The following GRK5 variants were observed in gnomAD, a reference collection of about 807,000 sequenced individuals.
GRK5 encodes g protein-coupled receptor kinase GRK5.
Under a neutral mutation model 78.4 loss-of-function variants are expected in GRK5, and 40 were observed. The ratio of observed to expected loss-of-function variants is 0.51; its 90% confidence interval spans 0.40 to 0.66. The LOEUF is 0.66. Among genes scored for constraint, GRK5 ranks in the 30% least tolerant of loss-of-function variants. GRK5 has a pLI of 0.00. For missense variants in GRK5, 598 were observed against 759.9 expected (o/e 0.79, Z 2.50); for synonymous variants, 289 against 296.8 (o/e 0.97, Z 0.27).
rs59742803 is a variant in GRK5, at chr10:119,218,074, T to TTGTGTGTG, written c.52+10127_52+10134dup. 1.8e-3 allele frequency among the ~76,000 whole-genome samples: 263 copies of TTGTGTGTG among 146,574 alleles called. 2 individuals carry two copies. The highest frequency in any genetic ancestry group is 5.8e-3 in the African/African-American group (232 of 40,082). On this transcript the variant is annotated intron_variant, in intron 1 of 15. Transcript: ENST00000392870. ...GCATTTAGAAACCATGTCAACCCGT[T>TTGTGTGTG]TGTGTGTGTGTGTGTGTGTGTGTGT...
At chr10:119,353,932 CTT>C (rs761463283) in intron 2 of GRK5, among the ~76,000 whole-genome samples, 76 of 108,740 alleles carry the variant, frequency 7.0e-4, no homozygotes, top group African/African-American at 2.4e-3. Flanking sequence ...TTTTTTCTTT[CTT>C]TTTTTTTTTT....
intron 1 of GRK5, among the ~76,000 whole-genome samples, chr10:119,227,180 C>T (rs987255910): frequency 6.6e-6 from 1 of 152,134 alleles, no homozygotes; most frequent in Non-Finnish European, 1.5e-5. Flanking sequence ...TTTATCATCA[C>T]ATAGGAATAA....
intron 1 of GRK5, among the ~76,000 whole-genome samples, chr10:119,220,216 C>G (rs553409093): frequency 6.6e-6 from 1 of 152,260 alleles, no homozygotes; most frequent in African/African-American, 2.4e-5. Flanking sequence ...TTAGTAACCA[C>G]TGGTTATTTT....
At chr10:119,421,621 GGCT>G (rs2133882646) in intron 4 of GRK5, among the ~76,000 whole-genome samples, 1 of 152,364 alleles carries the variant, frequency 6.6e-6, no homozygotes, top group African/African-American at 2.4e-5. Flanking sequence ...CCACTACCCA[GGCT>G]GCTGTTGGTA....
chr10:119,410,348 C>G (rs1240080622), intron 4 of GRK5, among the ~76,000 whole-genome samples: 1 of 152,184 alleles, frequency 6.6e-6, no homozygotes, highest in Non-Finnish European at 1.5e-5. Flanking sequence ...AAGCGCACTT[C>G]TTCCTTATTT....
intron 1 of GRK5, among the ~76,000 whole-genome samples, chr10:119,242,391 C>T (rs1849040859): frequency 6.6e-6 from 1 of 151,576 alleles, no homozygotes; most frequent in Admixed American, 6.6e-5. Flanking sequence ...AGCTGTGCTG[C>T]ATTGACGTCA....
At chr10:119,418,777 T>G (rs1283691887) in intron 4 of GRK5, among the ~76,000 whole-genome samples, 1 of 152,176 alleles carries the variant, frequency 6.6e-6, no homozygotes, top group Non-Finnish European at 1.5e-5. Context: ...TAGAGCTGTT[T>G]AAGGAGACCA....
chr10:119,230,692 G>C (rs1158824566), intron 1 of GRK5, among the ~76,000 whole-genome samples: 1 of 151,930 alleles, frequency 6.6e-6, no homozygotes, highest in African/African-American at 2.4e-5. Context: ...AAAAAAATTA[G>C]CCAGGTGTGG....
Position 119,378,718 on chromosome 10 carries a change from G to A in GRK5, c.149-2097G>A, listed in dbSNP as rs1851666042. Among the ~76,000 whole-genome samples the A allele has an allele frequency of 6.6e-6, 1 of 152,248 alleles. No homozygotes were observed. The highest frequency in any genetic ancestry group is 1.5e-5 in the Non-Finnish European group (1 of 68,038). ...GCGTGGGGGGAAGGCGGTCTCAGCAGCCCTCGGCTGACCAGTCATCCCCAA... is the reference window on the plus strand; with the variant it reads ...GCGTGGGGGGAAGGCGGTCTCAGCAACCCTCGGCTGACCAGTCATCCCCAA... On this transcript the variant is annotated intron_variant, in intron 2 of 15. Coordinates refer to ENST00000392870, the MANE Select transcript of GRK5 (RefSeq NM_005308.3). This position sits in a 1 kb window ranked among gnomAD's most constrained non-coding sequence, Gnocchi z 4.5.
intron 1 of GRK5, among the ~76,000 whole-genome samples, chr10:119,282,523 C>T (rs11198857): frequency 0.13 from 20,260 of 152,254 alleles, 1,429 homozygotes; most frequent in Middle Eastern, 0.17. Context: ...AGCTCCTAGA[C>T]CAGGGTCGGG....
chr10:119,386,392 C>G (rs1301056347), intron 3 of GRK5, among the ~76,000 whole-genome samples: 2 of 152,082 alleles, frequency 1.3e-5, no homozygotes, highest in Admixed American at 1.3e-4. Context: ...GAGGCTAAGC[C>G]TAGGAGTCGG....
intron 1 of GRK5, among the ~76,000 whole-genome samples, chr10:119,322,415 TC>T (rs1370251205): frequency 1.6e-4 from 24 of 152,212 alleles, no homozygotes; most frequent in African/African-American, 5.8e-4. Context: ...TGCCAAATGT[TC>T]CCTGGGAGGC....
At chr10:119,261,567 T>C (rs936377727) in intron 1 of GRK5, among the ~76,000 whole-genome samples, 7 of 152,226 alleles carry the variant, frequency 4.6e-5, no homozygotes, top group African/African-American at 1.7e-4. Flanking sequence ...GTGGAGGTTG[T>C]AGCGAGCCGA....
At chr10:119,427,148 G>A (rs1012298981) in intron 6 of GRK5, among the ~76,000 whole-genome samples, 3 of 142,654 alleles carry the variant, frequency 2.1e-5, no homozygotes, top group African/African-American at 7.9e-5. Context: ...CATCACTGCT[G>A]TTATCAATAT....
chr10:119,364,121 C>G (rs291970), intron 2 of GRK5, among the ~76,000 whole-genome samples: 2 of 152,080 alleles, frequency 1.3e-5, no homozygotes, highest in African/African-American at 2.4e-5. Context: ...CAGTGTAGGG[C>G]GCAAAGCAGG....
intron 1 of GRK5, among the ~76,000 whole-genome samples, chr10:119,254,952 G>A (rs1014010520): frequency 4.0e-5 from 6 of 151,312 alleles, no homozygotes; most frequent in Non-Finnish European, 8.8e-5. Flanking sequence ...CTACTCAGGA[G>A]GCTTAAGCAG....
chr10:119,321,139 CCTT>C (rs1160498254), intron 1 of GRK5, among the ~76,000 whole-genome samples: 2 of 152,172 alleles, frequency 1.3e-5, no homozygotes, highest in East Asian at 1.9e-4. Flanking sequence ...AGAAGTGAAA[CCTT>C]CTCCCAGCCC....
intron 1 of GRK5, among the ~76,000 whole-genome samples, chr10:119,274,573 G>T (rs1849637107): frequency 1.3e-5 from 2 of 152,198 alleles, no homozygotes; most frequent in African/African-American, 4.8e-5. Context: ...TTACTTGGCT[G>T]TTCTTTGGTG....
At chr10:119,434,107 G>A (rs1244078795) in intron 8 of GRK5, among the ~76,000 whole-genome samples, 1 of 152,142 alleles carries the variant, frequency 6.6e-6, no homozygotes, top group Non-Finnish European at 1.5e-5. Flanking sequence ...CAGTATAGGA[G>A]AAACTGCCCA....
Sources: gnomAD v4.1 joint callset for allele counts (sites outside exome capture counted in the v4.1 genomes callset) on GRCh38, gnomAD v4.1.1 for gene constraint, Gnocchi (gnomAD v3.1) non-coding constraint, MANE v1.5 for transcripts, NCBI Gene and HGNC (gene_info 2026-07-23, HGNC 2026-07-21) for gene names.